Variants in ZNF518A observed in about 807,000 individuals in gnomAD.
ZNF518A encodes zinc finger protein 518.
Under a neutral mutation model 102.7 loss-of-function variants are expected in ZNF518A, and 47 were observed. The observed-to-expected ratio is 0.46, with a 90% CI of 0.36 to 0.58. The LOEUF (loss-of-function observed/expected upper bound fraction) is 0.58. Among genes scored for constraint, ZNF518A ranks in the 20% least tolerant of loss-of-function variants. The pLI, the probability that ZNF518A is intolerant of heterozygous loss-of-function variation, is 0.00. For missense variants in ZNF518A, 1,793 were observed against 1,699.8 expected (o/e 1.05, Z -0.96); for synonymous variants, 652 against 594.6 (o/e 1.10, Z -1.40).
Position 96,162,071 on chromosome 10 carries a change from A to G in ZNF518A, c.*1297A>G, listed in dbSNP as rs1379286245. The G allele has an allele frequency of 6.0e-6, 1 of 166,894 alleles. No homozygotes were observed. Among genetic ancestry groups the G allele is most frequent in the Non-Finnish European group, 1.5e-5 (1 of 68,016 alleles). 10.3% of individuals were successfully genotyped at this position (166,894 alleles called of 1,614,324 possible). A position where few individuals can be genotyped will look rare whatever the true frequency, so the allele number is the denominator to read the frequency against. ...GTGTTAACAAATTACGTGCTATATG[A>G]TTTTTTGTTACATTGTTACAAGTGT... On this transcript the variant is annotated 3_prime_UTR_variant, in exon 6 of 6. Coordinates refer to ENST00000316045, the MANE Select transcript of ZNF518A (RefSeq NM_001330736.2).
At chr10:96,197,408 G>A (rs916975492) in intron 1 of ZNF518A, among the ~76,000 whole-genome samples, 5 of 152,212 alleles carry the variant, frequency 3.3e-5, no homozygotes, top group South Asian at 4.2e-4. Flanking sequence ...GAGTTCAAGC[G>A]ATCCTCCCAC....
Position 96,179,638 on chromosome 10 carries a change from A to G in ZNF518A, n.35+23591A>G, listed in dbSNP as rs1216406371. 2.0e-5 allele frequency among the ~76,000 whole-genome samples: 3 copies of G among 152,234 alleles called. No homozygotes were observed. In the South Asian group the frequency reaches 6.2e-4, roughly 31 times the overall value. On this transcript the variant is annotated intron_variant and non_coding_transcript_variant, in intron 1 of 2. Transcript: ENST00000442635. ...CTCCTAGATATTTTTTCTAAGAGGA[A>G]TGAAAACACAGAAACTTCCACACAA...
intron 1 of ZNF518A, among the ~76,000 whole-genome samples, chr10:96,173,296 C>T (rs1383185845): frequency 1.3e-5 from 2 of 148,832 alleles, no homozygotes; most frequent in Non-Finnish European, 3.0e-5. Context: ...ACCAAGAGAG[C>T]TGATTTCACC....
At chr10:96,204,772 G>T, downstream of ZNF518A, 2 of 673,072 alleles carry the variant, frequency 3.0e-6, no homozygotes, top group South Asian at 3.2e-5. Flanking sequence ...GCACTTGCCA[G>T]TCTGTTGATG....
Position 96,201,740 on chromosome 10 carries a change from ATTCATT to A in ZNF518A, n.36-1833_36-1828del, listed in dbSNP as rs1564814959. 2.7e-3 allele frequency among the ~76,000 whole-genome samples: 407 copies of A among 148,180 alleles called. 2 individuals are homozygous for A. Among genetic ancestry groups the A allele is most frequent in the African/African-American group, 8.6e-3 (328 of 38,316 alleles). The stretch of plus-strand genomic sequence containing the variant: ...TGAAATACGAAAAAGACTTATCTGC[ATTCATT>A]CATTCATTCATTCATTCATTCATTC... On this transcript the variant is annotated intron_variant and non_coding_transcript_variant, in intron 1 of 2. Transcript: ENST00000442635.
At chr10:96,175,395 C>T (rs898660249) in intron 1 of ZNF518A, among the ~76,000 whole-genome samples, 16 of 152,292 alleles carry the variant, frequency 1.1e-4, no homozygotes, top group Middle Eastern at 3.4e-3. Context: ...GTCCCAAAAC[C>T]TCATCTTTAC....
At chr10:96,136,674 T>C (rs1469336656) in intron 3 of ZNF518A, among the ~76,000 whole-genome samples, 1 of 152,026 alleles carries the variant, frequency 6.6e-6, no homozygotes, top group East Asian at 2.0e-4. Context: ...AAAATGTTTT[T>C]AAAGATAAGG....
At chr10:96,172,312 C>T (rs1554890969) in intron 1 of ZNF518A, among the ~76,000 whole-genome samples, 1 of 151,754 alleles carries the variant, frequency 6.6e-6, no homozygotes, top group Admixed American at 6.6e-5. Flanking sequence ...TATAACAACA[C>T]AAGGAAAGTA....
rs782349748 is a variant in ZNF518A, at chr10:96,159,515, C to T, written c.3193C>T (p.Pro1065Ser). The T allele has an allele frequency of 1.2e-6, 2 of 1,613,810 alleles. No individual in the cohort carries two copies. Among genetic ancestry groups the T allele is most frequent in the South Asian group, 1.1e-5 (1 of 91,070 alleles). Residue 1065 changes from proline (P) to serine (S), a missense_variant, in exon 6 of 6, where the codon CCT becomes TCT. Pro to Ser is a moderately conservative substitution (Grantham distance 74). Transcript: ENST00000316045. ...GAGTTCTGTGAAAGCTGTTCTTATT[C>T]CTAACATGCTATCTGAGCAACAGAG... ...PTSSVKAVLI[P>S]NMLSEQQSTK... is the part of the protein sequence containing the mutation.
intron 3 of ZNF518A, among the ~76,000 whole-genome samples, chr10:96,152,949 A>G (rs1211336381): frequency 1.3e-5 from 2 of 152,162 alleles, no homozygotes; most frequent in African/African-American, 4.8e-5. Flanking sequence ...AGGGGAATTG[A>G]CTGATGTGAT....
downstream of ZNF518A, chr10:96,204,177 G>T: frequency 7.4e-7 from 1 of 1,349,432 alleles, no homozygotes; most frequent in Non-Finnish European, 1.1e-6. Context: ...CTGTGAACAG[G>T]CACATCACAA....
At chr10:96,197,101 T>C (rs782160429) in intron 1 of ZNF518A, 50 of 1,522,344 alleles carry the variant, frequency 3.3e-5, no homozygotes, top group African/African-American at 4.2e-5. Flanking sequence ...TTATGGTTAG[T>C]ATTACTTATA....
At chr10:96,154,876 A>C (rs955233766) in intron 3 of ZNF518A, among the ~76,000 whole-genome samples, 11 of 152,174 alleles carry the variant, frequency 7.2e-5, no homozygotes, top group African/African-American at 2.4e-4. Flanking sequence ...AGATCTCTTA[A>C]TATGTAATTC....
At chr10:96,176,445 C>A (rs193009439) in intron 1 of ZNF518A, among the ~76,000 whole-genome samples, 2 of 152,058 alleles carry the variant, frequency 1.3e-5, no homozygotes, top group African/African-American at 4.8e-5. Flanking sequence ...GAAGCCCAAG[C>A]GGGAAAAGCA....
chr10:96,201,583 G>T lies in ZNF518A; in HGVS notation n.36-1991G>T, dbSNP rs149021801. Among the ~76,000 whole-genome samples, 109 of 152,280 alleles carry T rather than the reference G, an allele frequency of 7.2e-4. 4 individuals carry two copies. In the East Asian group the frequency reaches 0.015, roughly 21 times the overall value. On this transcript the variant is annotated intron_variant and non_coding_transcript_variant, in intron 1 of 2. Transcript: ENST00000442635. ...AAATACTAGGTATCAATAGAAACAT[G>T]TAAACCAAAGCTCTTTGGGTCTACA...
chr10:96,152,025 A>G (rs1205399792), intron 3 of ZNF518A, among the ~76,000 whole-genome samples: 1 of 152,240 alleles, frequency 6.6e-6, no homozygotes, highest in African/African-American at 2.4e-5. Flanking sequence ...AAAACCAGTA[A>G]TCTGGGCTGG....
At chr10:96,153,794 T>C (rs587765421) in intron 3 of ZNF518A, among the ~76,000 whole-genome samples, 251 of 152,296 alleles carry the variant, frequency 1.6e-3, no homozygotes, top group Non-Finnish European at 3.0e-3. Flanking sequence ...AAATGTGAAA[T>C]AGGACATAAG....
Position 96,160,438 on chromosome 10 carries a change from A to G in ZNF518A, c.4116A>G (p.Gly1372=). ...TGAAAACTATTGCTAAATTTAATGGACATGTACTTAAGGTTTCATTGTCAA... is the reference window on the plus strand; with the variant it reads ...TGAAAACTATTGCTAAATTTAATGGGCATGTACTTAAGGTTTCATTGTCAA... ...SVMKTIAKFN[G]HVLKVSLSKR... is the part of the protein sequence containing the mutation. The change falls in exon 6 of 6, where the codon GGA becomes GGG. Residue 1372 remains glycine, a synonymous_variant. Transcript: ENST00000316045. 1 of 1,613,446 alleles carries G rather than the reference A, an allele frequency of 6.2e-7. No homozygotes were observed. Among genetic ancestry groups the G allele is most frequent in the South Asian group, 1.1e-5 (1 of 90,990 alleles).
Position 96,156,339 on chromosome 10 carries a change from AAC to A in ZNF518A, c.19_20del (p.Gln7ValfsTer4). On this transcript the variant is annotated frameshift_variant, in exon 6 of 6. Transcript: ENST00000316045. LOFTEE classifies it high-confidence loss of function. ...GGTTAAATCATGCCATCTGAACAGA[AAC>A]AGTTATTTTGTGATGAAAAACAAAC... 6.3e-7 allele frequency: 1 copy of A among 1,577,422 alleles called. No homozygotes were observed.
Sources: allele counts gnomAD v4.1 joint callset (sites outside exome capture counted in the v4.1 genomes callset), GRCh38; gene constraint gnomAD v4.1.1; transcripts MANE v1.5; gene names NCBI Gene and HGNC (gene_info 2026-07-23, HGNC 2026-07-21).